Variants in AFMID observed in about 807,000 individuals in gnomAD.
AFMID encodes kynurenine formamidase.
A neutral mutation model predicts 47.5 loss-of-function variants in AFMID; 39 were observed. The ratio of observed to expected loss-of-function variants is 0.82; its 90% CI spans 0.64 to 1.07. AFMID has a LOEUF of 1.07. AFMID is among the 50% of genes least tolerant of loss of function. The pLI is 0.00. For synonymous variants in AFMID, 130 were observed against 153.2 expected, an observed-to-expected ratio of 0.85 and a Z score of 1.12; for missense variants, 375 against 387.5, an observed-to-expected ratio of 0.97 and a Z score of 0.27.
In AFMID at chr17:78,187,960, C is replaced by CAAAAAAAAAAAAAAAAAAA. The variant is rs34018698; in HGVS notation, c.63+538_63+556dup. Among the ~76,000 whole-genome samples the CAAAAAAAAAAAAAAAAAAA allele has an allele frequency of 1.8e-4, 10 of 56,678 alleles. 1 individual carries two copies. Among genetic ancestry groups the CAAAAAAAAAAAAAAAAAAA allele is most frequent in the East Asian group, 1.9e-3 (2 of 1,078 alleles). The allele number at this position is 56,678 out of a possible 152,430, so 37.2% of individuals were successfully genotyped here. A position where few individuals can be genotyped will look rare whatever the true frequency, so the allele number is the denominator to read the frequency against. Reference sequence around the variant, plus strand: ...TGGGCGATAGACCAAGACTTAGTCTCAAAAAAAAAAAAAAAAAAAAAAAAA... The same window carrying CAAAAAAAAAAAAAAAAAAA: ...TGGGCGATAGACCAAGACTTAGTCTCAAAAAAAAAAAAAAAAAAAAAAAAAAAAAAAAAAAAAAAAAAAA... On this transcript the variant is annotated intron_variant, in intron 1 of 10. Transcript: ENST00000409257.
Position 78,207,068 on chromosome 17 carries a change from C to T in AFMID, c.*131C>T. The T allele has an allele frequency of 3.1e-6, 3 of 968,644 alleles. No individual in the cohort carries two copies. Among genetic ancestry groups the T allele is most frequent in the East Asian group, 2.4e-5 (1 of 41,140 alleles). 60.0% of individuals were successfully genotyped at this position (968,644 alleles called of 1,614,324 possible). On this transcript the variant is annotated 3_prime_UTR_variant, in exon 11 of 11. Transcript: ENST00000409257. ...GGAGAGCCTTGCTGTGTCTGTCTGC[C>T]CGGCAAGAGTCCATTCTCACTGCTG...
rs140343996 is a variant in AFMID at position 78,204,715 on chromosome 17, T to C, written c.368T>C (p.Ile123Thr). 6.2e-6 allele frequency: 10 copies of C among 1,614,128 alleles called. No homozygotes were observed. The highest frequency in any genetic ancestry group is 8.5e-6 in the Non-Finnish European group (10 of 1,180,024). The change falls in exon 5 of 11, where the codon ATA becomes ACA. Residue 123 changes from isoleucine (I) to threonine (T), a missense_variant. Coordinates refer to ENST00000409257, the MANE Select transcript of AFMID (RefSeq NM_001010982.5). ...PLTAQGVAVV[I>T]VAYGIAPKGT... ...ACGGCACAGGGAGTGGCCGTGGTAA[T>C]AGTGGCTTACGGCATCGCCCCCAAA...
intron 4 of AFMID, 149 bp from the exon 5 acceptor site, chr17:78,204,507 A>G (rs1390502305): frequency 1.3e-6 from 1 of 743,446 alleles, no homozygotes; most frequent in Non-Finnish European, 2.3e-6. Context: ...TGGCAGGGAG[A>G]GAGCCTGTCC....
At position 78,190,951 on chromosome 17, in the gene AFMID, T is replaced by G; in HGVS notation, c.64-19T>G. Reference sequence around the variant, plus strand: ...TTGAGAAGGAAAGTCTTACGGAGCCTCATGTTTGTGCCCTGCAGGAGCTGG... The same window carrying G: ...TTGAGAAGGAAAGTCTTACGGAGCCGCATGTTTGTGCCCTGCAGGAGCTGG... On this transcript the variant is annotated intron_variant, in intron 1 of 10. Coordinates refer to ENST00000409257, the MANE Select transcript of AFMID (RefSeq NM_001010982.5). 1 of 1,611,242 alleles carries G rather than the reference T, an allele frequency of 6.2e-7. No homozygotes were observed. Among genetic ancestry groups the G allele is most frequent in the Non-Finnish European group, 8.5e-7 (1 of 1,178,566 alleles).
chr17:78,197,364 G>A (rs759255258), intron 2 of AFMID: 1 of 658,256 alleles, frequency 1.5e-6, no homozygotes, highest in South Asian at 1.9e-5. Flanking sequence ...AAGTGGTATG[G>A]TAATGGATGT....
intron 4 of AFMID, among the ~76,000 whole-genome samples, 197 bp from the exon 5 acceptor site, chr17:78,204,458 CA>C (rs1163617951): frequency 3.9e-5 from 6 of 152,152 alleles, no homozygotes. Flanking sequence ...CAAAAAGTTA[CA>C]TGAAGTTCCC....
intron 1 of AFMID, among the ~76,000 whole-genome samples, chr17:78,190,252 C>T (rs1391151740): frequency 2.0e-5 from 3 of 152,092 alleles, no homozygotes; most frequent in African/African-American, 4.8e-5. Flanking sequence ...CCCAGCCTCC[C>T]AGCCTCACCT....
Position 78,197,915 on chromosome 17 carries a change from G to A in AFMID, c.155-4584G>A, listed in dbSNP as rs571437116. 3.3e-5 allele frequency among the ~76,000 whole-genome samples: 5 copies of A among 152,198 alleles called. No homozygotes were observed. In the East Asian group the frequency reaches 5.8e-4, roughly 18 times the overall value. ...GGAGGACGCTTGAGCCCAGGAGTTCGAAACCAGCTGGCAACATGCAAGACC... is the reference window on the plus strand; with the variant it reads ...GGAGGACGCTTGAGCCCAGGAGTTCAAAACCAGCTGGCAACATGCAAGACC... On this transcript the variant is annotated intron_variant, in intron 2 of 10. Transcript: ENST00000409257.
In AFMID at chr17:78,204,653, C is replaced by T; in HGVS notation, c.309-3C>T. 6.2e-7 allele frequency: 1 copy of T among 1,614,134 alleles called. No individual in the cohort carries two copies. The highest frequency in any genetic ancestry group is 1.7e-5 in the Admixed American group (1 of 60,018). On this transcript the variant is annotated splice_polypyrimidine_tract_variant and splice_region_variant and intron_variant, in intron 4 of 10. Coordinates refer to ENST00000409257, the MANE Select transcript of AFMID (RefSeq NM_001010982.5). ...CAGCTGTCACATCTGTGTGTCTCTG[C>T]AGTAAGGATGAGTCTGCCTTCATGG... is the stretch of plus-strand genomic sequence containing the variant.
rs547275990 is a variant in AFMID, at chr17:78,197,380, G to A, written c.155-5119G>A. On this transcript the variant is annotated intron_variant, in intron 2 of 10. Transcript: ENST00000409257. ...AGTGGTATGGTAATGGATGTACAAA[G>A]CTATTCACAGCAGGGGTGTTTGTGG... is the stretch of plus-strand genomic sequence containing the variant. 6.8e-5 allele frequency: 42 copies of A among 614,006 alleles called. No homozygotes were observed. The Admixed American group carries it at 1.2e-3, about 18-fold the overall frequency. The allele number at this position is 614,006 out of a possible 1,614,324, so 38.0% of individuals were successfully genotyped here. A position where few individuals can be genotyped will look rare whatever the true frequency, so the allele number is the denominator to read the frequency against.
chr17:78,193,814 A>G (rs1023154678), intron 2 of AFMID, among the ~76,000 whole-genome samples: 2 of 151,898 alleles, frequency 1.3e-5, no homozygotes, highest in South Asian at 4.2e-4. Context: ...TGTCTCTACT[A>G]AAAATACAAA....
rs9903738 is a variant in AFMID, at chr17:78,207,519, T to C, written c.*582T>C. 144,585 of 152,178 alleles carry C rather than the reference T, an allele frequency of 0.95. 68,732 individuals carry two copies. The highest frequency in any genetic ancestry group is 0.99 in the African/African-American group (40,916 of 41,494). 9.4% of individuals were successfully genotyped at this position (152,178 alleles called of 1,614,324 possible). A position where few individuals can be genotyped will look rare whatever the true frequency, so the allele number is the denominator to read the frequency against. ...GGCTGGTCTCAAACTCCTAACCTTG[T>C]GATTCGCCCGCCTTGGCCTCCCAAA... is the stretch of plus-strand genomic sequence containing the variant. On this transcript the variant is annotated 3_prime_UTR_variant, in exon 11 of 11. Transcript: ENST00000409257.
chr17:78,195,177 G>A (rs1034974946), intron 2 of AFMID, among the ~76,000 whole-genome samples: 25 of 149,422 alleles, frequency 1.7e-4, no homozygotes, highest in African/African-American at 5.2e-4. Context: ...AGTGTTTAAA[G>A]GGGACAGTTT....
chr17:78,192,771 G>A (rs761566480), intron 2 of AFMID: 2 of 407,070 alleles, frequency 4.9e-6, no homozygotes, highest in Admixed American at 2.6e-5. Context: ...AGCAGGCCCC[G>A]AGGAGGAAGT....
chr17:78,196,733 TCAAA>T (rs2076125250), intron 2 of AFMID, among the ~76,000 whole-genome samples: 1 of 152,154 alleles, frequency 6.6e-6, no homozygotes, highest in Admixed American at 6.5e-5. Flanking sequence ...AAACAGGTAC[TCAAA>T]CAAGCATTTT....
rs1452388499 is a variant in AFMID, at chr17:78,202,765, T to C, written c.308+14T>C. On this transcript the variant is annotated intron_variant, in intron 4 of 10. Transcript: ENST00000409257. ...GCAGAGCGGAAGGTGAGTCGGGGGA[T>C]GTGGATGGTGGACTGCAAGAGAGAT... The C allele has an allele frequency of 6.4e-7, 1 of 1,554,016 alleles. No homozygotes were observed. The highest frequency in any genetic ancestry group is 2.4e-5 in the East Asian group (1 of 41,512).
At chr17:78,191,316 C>T (rs2075962819) in intron 2 of AFMID, among the ~76,000 whole-genome samples, 1 of 152,156 alleles carries the variant, frequency 6.6e-6, no homozygotes, top group Non-Finnish European at 1.5e-5. Flanking sequence ...CTTGCTCAGC[C>T]ATCCATACCC....
Position 78,205,164 on chromosome 17 carries a change from A to G in AFMID, c.539A>G (p.Lys180Arg). 6.2e-7 allele frequency: 1 copy of G among 1,612,784 alleles called. No individual in the cohort carries two copies. The highest frequency in any genetic ancestry group is 8.5e-7 in the Non-Finnish European group (1 of 1,179,506). ...ATGATGCTCCTGGCCGACTGGACCA[A>G]GCATGGGGTCACGCCCAACCTCAGA... ...AAMMLLADWTKHGVTPNLRGF... is the reference protein window; with the variant it reads ...AAMMLLADWTRHGVTPNLRGF... The change falls in exon 7 of 11, where the codon AAG (lysine) becomes AGG (arginine). Residue 180 changes from lysine to arginine, a missense_variant. Lys to Arg is a conservative substitution (Grantham distance 26). Coordinates refer to ENST00000409257, the MANE Select transcript of AFMID (RefSeq NM_001010982.5).
intron 1 of AFMID, among the ~76,000 whole-genome samples, chr17:78,188,663 C>G (rs2075871671): frequency 6.6e-6 from 1 of 151,870 alleles, no homozygotes; most frequent in African/African-American, 2.4e-5. Context: ...GTGGCGCGAT[C>G]TGGGCTCACT....
Sources: gnomAD v4.1 joint callset for allele counts (sites outside exome capture counted in the v4.1 genomes callset) on GRCh38, gnomAD v4.1.1 for gene constraint, MANE v1.5 for transcripts, NCBI Gene and HGNC (gene_info 2026-07-23, HGNC 2026-07-21) for gene names.